Variants in TRPM4 observed in about 807,000 individuals in gnomAD.
The protein encoded by TRPM4 is transient receptor potential cation channel subfamily M member 4, also known as calcium-activated non-selective cation channel 1.
Under a neutral mutation model 135.6 loss-of-function variants are expected in TRPM4, and 124 were observed. That is an observed-to-expected ratio of 0.91 (90% confidence interval 0.79 to 1.06). The LOEUF (loss-of-function observed/expected upper bound fraction) is 1.06. Ranked by LOEUF, TRPM4 falls within the 50% of genes least tolerant of loss-of-function variation. The pLI, the probability that TRPM4 is intolerant of heterozygous loss-of-function variation, is 0.00. For missense variants in TRPM4, 1,658 were observed against 1,671.4 expected (o/e 0.99, Z 0.14); for synonymous variants, 745 against 705.6 (o/e 1.06, Z -0.88).
intron 12 of TRPM4, among the ~76,000 whole-genome samples, chr19:49,186,248 G>A (rs182276917): frequency 3.9e-5 from 6 of 152,330 alleles, no homozygotes; most frequent in African/African-American, 1.2e-4. Context: ...GACGCCCACC[G>A]TGGCTGTATA....
Position 49,196,619 on chromosome 19 carries a change from T to C in TRPM4, c.2390T>C (p.Phe797Ser). ...VVSYLLFLLL[F>S]SRVLLVDFQP... Reference sequence around the variant, plus strand: ...AGCTACCTGCTGTTCCTGCTGCTTTTCTCGCGGGTGCTGCTCGTGGATTTC... The same window carrying C: ...AGCTACCTGCTGTTCCTGCTGCTTTCCTCGCGGGTGCTGCTCGTGGATTTC... The change falls in exon 17 of 25, where the codon TTC becomes TCC. Residue 797 changes from phenylalanine to serine, a missense_variant. By Grantham distance (155) the Phe-to-Ser change is radical. Around this residue, in one of 3 missense-constraint regions of TRPM4, gnomAD observed 1,412 missense variants for 1,408.7 expected, o/e 1.00. Transcript: ENST00000252826. 6.4e-7 allele frequency: 1 copy of C among 1,553,716 alleles called. No individual in the cohort carries two copies. The highest frequency in any genetic ancestry group is 8.7e-7 in the Non-Finnish European group (1 of 1,152,032).
intron 9 of TRPM4, among the ~76,000 whole-genome samples, chr19:49,178,193 T>C (rs1028860280): frequency 6.6e-6 from 1 of 152,072 alleles, no homozygotes; most frequent in Non-Finnish European, 1.5e-5. Context: ...TATGGTACTG[T>C]GCGCCTGTAG....
chr19:49,170,291 C>T (rs1031122537), intron 6 of TRPM4, among the ~76,000 whole-genome samples: 1 of 151,928 alleles, frequency 6.6e-6, no homozygotes, highest in East Asian at 1.9e-4. Flanking sequence ...TAGGTTCAAG[C>T]GTTTTTCCTG....
intron 12 of TRPM4, among the ~76,000 whole-genome samples, chr19:49,183,763 C>CTTTTT: frequency 8.0e-6 from 1 of 124,316 alleles, no homozygotes; most frequent in South Asian, 2.8e-4. Flanking sequence ...CTGTGAATTT[C>CTTTTT]TTTTTCTTTT....
chr19:49,166,142 C>A lies in TRPM4; in HGVS notation c.194C>A (p.Ala65Glu), dbSNP rs1317191952. 1 of 1,608,008 alleles carries A rather than the reference C, an allele frequency of 6.2e-7. No individual in the cohort carries two copies. The highest frequency in any genetic ancestry group is 8.5e-7 in the Non-Finnish European group (1 of 1,178,168). ...AAVVTVWDSDAHTTEKPTDAY... is the reference protein window; with the variant it reads ...AAVVTVWDSDEHTTEKPTDAY... Reference sequence around the variant, plus strand: ...GTGGTGACCGTGTGGGACAGCGATGCACACACCACGGAGAAGCCCACCGAT... The same window carrying A: ...GTGGTGACCGTGTGGGACAGCGATGAACACACCACGGAGAAGCCCACCGAT... The change falls in exon 3 of 25, where the codon GCA becomes GAA. Residue 65 changes from alanine to glutamate, a missense_variant. By Grantham distance (107) the Ala-to-Glu change is moderately radical. Coordinates refer to ENST00000252826, the MANE Select transcript of TRPM4 (RefSeq NM_017636.4).
In TRPM4 at chr19:49,200,354, G is replaced by A. The variant is rs1196573819; in HGVS notation, c.2700G>A (p.Met900Ile). ...GCACTGTCCTCTGCATCGACTTCAT[G>A]GTTTTCACGGTGCGGCTGCTTCACA... ...LGRTVLCIDF[M>I]VFTVRLLHIF... Residue 900 changes from methionine to isoleucine, a missense_variant, in exon 18 of 25, where the codon ATG (methionine) becomes ATA (isoleucine). By Grantham distance (10) the Met-to-Ile change is conservative. Transcript: ENST00000252826. The A allele has an allele frequency of 6.2e-7, 1 of 1,614,080 alleles. No individual in the cohort carries two copies. The highest frequency in any genetic ancestry group is 1.7e-5 in the Admixed American group (1 of 60,004).
intron 5 of TRPM4, 24 bp from the exon 6 acceptor site, chr19:49,168,529 C>T: frequency 6.2e-7 from 1 of 1,613,834 alleles, no homozygotes. Flanking sequence ...AGGAGACGCC[C>T]TGGTCTGGCC....
intron 17 of TRPM4, among the ~76,000 whole-genome samples, chr19:49,198,955 A>G: frequency 6.6e-6 from 1 of 152,088 alleles, no homozygotes; most frequent in Non-Finnish European, 1.5e-5. Flanking sequence ...TGTAAAGTTT[A>G]TGGGTCAAAG....
rs577635742 is a variant in TRPM4, at chr19:49,184,531, G to T, written c.1743+1319G>T. On this transcript the variant is annotated intron_variant, in intron 12 of 24. Transcript: ENST00000252826. The stretch of plus-strand genomic sequence containing the variant: ...GCTGGAGTGCAGTGGCTCAATCTCC[G>T]CTCACTGCAAGCTCTGCCTCCTGGG... Among the ~76,000 whole-genome samples, 215 of 122,876 alleles carry T rather than the reference G, an allele frequency of 1.7e-3. 2 individuals carry two copies. The highest frequency in any genetic ancestry group is 6.4e-3 in the African/African-American group (204 of 31,670). The allele number at this position is 122,876 out of a possible 152,430, so 80.6% of individuals were successfully genotyped here.
intron 12 of TRPM4, among the ~76,000 whole-genome samples, chr19:49,185,419 T>A (rs1368281033): frequency 6.6e-6 from 1 of 152,086 alleles, no homozygotes; most frequent in African/African-American, 2.4e-5. Context: ...TTTTAAAAAA[T>A]TTGCAGAGAT....
chr19:49,169,345 C>T (rs1032071515), intron 6 of TRPM4, among the ~76,000 whole-genome samples: 4 of 147,622 alleles, frequency 2.7e-5, no homozygotes, highest in Admixed American at 6.7e-5. Context: ...GATCTCGGCT[C>T]ACTGCAGCCT....
At chr19:49,203,210 C>T (rs539074788) in intron 20 of TRPM4, among the ~76,000 whole-genome samples, 280 of 149,384 alleles carry the variant, frequency 1.9e-3, no homozygotes, top group Middle Eastern at 0.011. Context: ...GATGGAGTCT[C>T]GCTCTGTCGC....
At chr19:49,159,351 A>T (rs1280545527) in intron 2 of TRPM4, 1 of 149,932 alleles carries the variant, frequency 6.7e-6, no homozygotes, top group East Asian at 2.0e-4. Context: ...TTTTTTTTTT[A>T]GTAGAGACGG....
intron 6 of TRPM4, among the ~76,000 whole-genome samples, chr19:49,170,307 GC>G (rs1161561865): frequency 6.6e-6 from 1 of 152,066 alleles, no homozygotes; most frequent in African/African-American, 2.4e-5. Context: ...TCCTGCCTCA[GC>G]CTCCCGAGTA....
At chr19:49,159,207 A>AT (rs1165642797) in intron 2 of TRPM4, 2 of 150,974 alleles carry the variant, frequency 1.3e-5, no homozygotes, top group East Asian at 4.0e-4. Flanking sequence ...AATTTTTTGT[A>AT]TTTTAGTAGA....
At chr19:49,174,904 T>G (rs1967617589) in intron 9 of TRPM4, among the ~76,000 whole-genome samples, 1 of 151,028 alleles carries the variant, frequency 6.6e-6, no homozygotes, top group Admixed American at 6.6e-5. Flanking sequence ...TCAGAAGAAC[T>G]TTTTTCTTTT....
chr19:49,159,828 A>G (rs561674143), intron 2 of TRPM4: 2 of 152,328 alleles, frequency 1.3e-5, no homozygotes, highest in South Asian at 4.1e-4. Flanking sequence ...GGAAGTATCC[A>G]CATTCCTACT....
At chr19:49,198,483 C>G (rs1968781759) in intron 17 of TRPM4, among the ~76,000 whole-genome samples, 1 of 151,824 alleles carries the variant, frequency 6.6e-6, no homozygotes, top group African/African-American at 2.4e-5. Flanking sequence ...CCCATCTCTA[C>G]TAAAAATACA....
At position 49,181,417 on chromosome 19, in the gene TRPM4, GA is replaced by G. The variant is rs1967916591; in HGVS notation, c.1220del (p.Asp407AlafsTer28). ...TTTGGCTGTGGCTTGGAACCGCGTG[GA>G]CATTGCCCAGAGTGAACTCTTTCGG... The part of the protein sequence containing the change: ...LRLAVAWNRV[D>X]IAQSELFRGD... On this transcript the variant is annotated frameshift_variant, in exon 10 of 25. Coordinates refer to ENST00000252826, the MANE Select transcript of TRPM4 (RefSeq NM_017636.4). LOFTEE classifies it high-confidence loss of function. 1.9e-6 allele frequency: 3 copies of G among 1,613,908 alleles called. No individual in the cohort carries two copies. In the East Asian group the frequency reaches 6.7e-5, roughly 36 times the overall value.
Sources: gnomAD v4.1 joint callset for allele counts (sites outside exome capture counted in the v4.1 genomes callset) on GRCh38, gnomAD v4.1.1 for gene constraint, gnomAD v4.1.1 regional missense constraint, MANE v1.5 for transcripts, NCBI Gene and HGNC (gene_info 2026-07-23, HGNC 2026-07-21) for gene names.